Variants in GALNTL6 observed in about 807,000 individuals in gnomAD.
GALNTL6 encodes polypeptide N-acetylgalactosaminyltransferase like 6.
Under a neutral mutation model 73.7 loss-of-function variants are expected in GALNTL6, and 46 were observed. The observed-to-expected ratio is 0.62, with a 90% confidence interval of 0.49 to 0.80. GALNTL6 has a LOEUF of 0.80. Among genes scored for constraint, GALNTL6 ranks in the 30% least tolerant of loss-of-function variants. The pLI, the probability that GALNTL6 is intolerant of heterozygous loss-of-function variation, is 0.00. For synonymous variants in GALNTL6, 259 were observed against 263.7 expected (o/e 0.98, Z 0.17); for missense variants, 604 against 755.0 (o/e 0.80, Z 2.34).
intron 2 of GALNTL6, among the ~76,000 whole-genome samples, chr4:171,852,994 C>T (rs1029729507): frequency 6.6e-6 from 1 of 150,552 alleles, no homozygotes; most frequent in East Asian, 2.0e-4. Flanking sequence ...CTACAGGCGC[C>T]GCCACCACGC....
At chr4:172,653,667 G>A (rs1219235276) in intron 5 of GALNTL6, among the ~76,000 whole-genome samples, 1 of 152,112 alleles carries the variant, frequency 6.6e-6, no homozygotes, top group African/African-American at 2.4e-5. Flanking sequence ...AAGATGTTGT[G>A]CTCTTCTATT....
At chr4:172,135,140 T>A (rs1733603237) in intron 2 of GALNTL6, among the ~76,000 whole-genome samples, 1 of 152,212 alleles carries the variant, frequency 6.6e-6, no homozygotes, top group African/African-American at 2.4e-5. Context: ...ATTGGGGAGC[T>A]TTTATAACAA....
At chr4:172,657,729 T>C (rs901895474) in intron 5 of GALNTL6, among the ~76,000 whole-genome samples, 1 of 152,144 alleles carries the variant, frequency 6.6e-6, no homozygotes, top group African/African-American at 2.4e-5. Flanking sequence ...GGGTGTGGAC[T>C]AGGGTGTGAA....
chr4:172,090,738 C>T (rs1383090243), intron 2 of GALNTL6, among the ~76,000 whole-genome samples: 1 of 152,060 alleles, frequency 6.6e-6, no homozygotes, highest in African/African-American at 2.4e-5. Context: ...GTTGCAGTTG[C>T]TTTTGGTGTT....
chr4:172,425,758 G>A (rs937822906), intron 5 of GALNTL6, among the ~76,000 whole-genome samples: 5 of 151,752 alleles, frequency 3.3e-5, no homozygotes, highest in African/African-American at 1.2e-4. Context: ...TTTTATTTTA[G>A]CAAAATAAAA....
intron 8 of GALNTL6, among the ~76,000 whole-genome samples, chr4:172,910,580 C>A (rs559821719): frequency 6.2e-4 from 94 of 152,140 alleles, no homozygotes; most frequent in Non-Finnish European, 1.2e-3. Context: ...GTAAGAAAAA[C>A]CTTTTAAAAT....
rs138141704 is a variant in GALNTL6 at position 172,480,617 on chromosome 4, C to T, written c.553+131928C>T. ...AGAGCATTAGTTAGCAGCTGCCGTA[C>T]AATAAATCATGCCAAAATCCAGTGG... On this transcript the variant is annotated intron_variant, in intron 5 of 12. Transcript: ENST00000506823. Among the ~76,000 whole-genome samples the T allele has an allele frequency of 4.6e-5, 7 of 152,296 alleles. No individual in the cohort carries two copies. The East Asian group carries it at 1.3e-3, about 29-fold the overall frequency.
chr4:173,004,611 A>T (rs1023909278), intron 10 of GALNTL6, among the ~76,000 whole-genome samples: 3 of 152,182 alleles, frequency 2.0e-5, no homozygotes, highest in African/African-American at 7.2e-5. Context: ...GGGGAACAAG[A>T]GTGAAACTCC....
chr4:172,265,457 C>T (rs776395483), intron 3 of GALNTL6, among the ~76,000 whole-genome samples: 22 of 151,980 alleles, frequency 1.4e-4, no homozygotes, highest in South Asian at 6.2e-4. Flanking sequence ...TGTCAGTCTA[C>T]GACATCAATC....
intron 2 of GALNTL6, among the ~76,000 whole-genome samples, chr4:172,062,027 C>A (rs774791846): frequency 1.1e-4 from 16 of 147,664 alleles, no homozygotes; most frequent in Non-Finnish European, 4.4e-5. Context: ...TGGCTCACTG[C>A]AACTTCTGCC....
intron 5 of GALNTL6, among the ~76,000 whole-genome samples, chr4:172,368,338 G>A (rs979662660): frequency 5.3e-5 from 8 of 152,094 alleles, no homozygotes; most frequent in Non-Finnish European, 8.8e-5. Context: ...CTGAGATCAC[G>A]CCATTGCACT....
rs114199004 is a variant in GALNTL6 at position 172,257,408 on chromosome 4, G to A, written c.247+27644G>A. ...AAGCCTGTACATTTTGAAGAAGGAAGCATGAGCTGCAAGACTTTAGTCGGC... is the reference window on the plus strand; with the variant it reads ...AAGCCTGTACATTTTGAAGAAGGAAACATGAGCTGCAAGACTTTAGTCGGC... On this transcript the variant is annotated intron_variant, in intron 3 of 12. Coordinates refer to ENST00000506823, the MANE Select transcript of GALNTL6 (RefSeq NM_001034845.3). Among the ~76,000 whole-genome samples the A allele has an allele frequency of 4.6e-3, 690 of 151,492 alleles. 7 individuals carry two copies. Among genetic ancestry groups the A allele is most frequent in the African/African-American group, 0.016 (652 of 41,484 alleles).
intron 5 of GALNTL6, among the ~76,000 whole-genome samples, chr4:172,411,905 G>A (rs335983): frequency 0.84 from 128,290 of 152,014 alleles, 54,356 homozygotes; most frequent in South Asian, 0.89. Flanking sequence ...TATTCTGGGG[G>A]GAAAATAGAA....
intron 3 of GALNTL6, among the ~76,000 whole-genome samples, chr4:172,269,305 T>A (rs1329615621): frequency 6.6e-6 from 1 of 151,996 alleles, no homozygotes; most frequent in Non-Finnish European, 1.5e-5. Flanking sequence ...TAGGTAAAAA[T>A]CAAGATATGG....
At chr4:172,000,762 A>G (rs1740650469) in intron 2 of GALNTL6, among the ~76,000 whole-genome samples, 2 of 152,166 alleles carry the variant, frequency 1.3e-5, no homozygotes, top group African/African-American at 2.4e-5. Context: ...AGTGCAGTCA[A>G]TGAGAGATCC....
rs141461021 is a variant in GALNTL6, at chr4:172,870,309, C to A, written c.924-12481C>A. On this transcript the variant is annotated intron_variant, in intron 7 of 12. Transcript: ENST00000506823. ...TTTGAAAGCCTGGCCTTGAGTAATG[C>A]TCCTCCCTCAGTCTCCCAAACCACT... Among the ~76,000 whole-genome samples, 23 of 152,240 alleles carry A rather than the reference C, an allele frequency of 1.5e-4. No homozygotes were observed. The Middle Eastern group carries it at 0.01, about 68-fold the overall frequency.
chr4:172,809,393 G>A lies in GALNTL6; in HGVS notation c.586G>A (p.Ala196Thr), dbSNP rs377525077. 2.5e-6 allele frequency: 4 copies of A among 1,613,616 alleles called. No individual in the cohort carries two copies. In the African/African-American group the frequency reaches 5.3e-5, roughly 22 times the overall value. Residue 196 changes from alanine (A) to threonine (T), a missense_variant, in exon 6 of 13, where the codon GCC (alanine) becomes ACC (threonine). Physicochemically the swap from Ala to Thr is moderately conservative, Grantham distance 58. This residue lies in a region of GALNTL6 where 179 missense variants were observed against 230.8 expected (regional missense o/e 0.78). Coordinates refer to ENST00000506823, the MANE Select transcript of GALNTL6 (RefSeq NM_001034845.3). This position sits in a 1 kb window ranked among gnomAD's most constrained non-coding sequence, Gnocchi z 4.4. ...GAAGGATAAATTGGAAGAATACATG[G>A]CCCGATTTTCCAAAGTGAGGATTGT... ...HLKDKLEEYM[A>T]RFSKVRIVRT...
intron 2 of GALNTL6, among the ~76,000 whole-genome samples, chr4:172,047,700 G>A (rs1301463160): frequency 6.6e-6 from 1 of 152,028 alleles, no homozygotes; most frequent in East Asian, 1.9e-4. Context: ...AGAGTTAAAG[G>A]AAGGAGAAAG....
chr4:171,965,757 T>TA (rs1739367287), intron 2 of GALNTL6, among the ~76,000 whole-genome samples: 1 of 151,978 alleles, frequency 6.6e-6, no homozygotes, highest in Non-Finnish European at 1.5e-5. Flanking sequence ...TTTTTCTATC[T>TA]AAAAAGAAAT....
Sources: gnomAD v4.1 joint callset for allele counts (sites outside exome capture counted in the v4.1 genomes callset) on GRCh38, gnomAD v4.1.1 for gene constraint, gnomAD v4.1.1 regional missense constraint, Gnocchi (gnomAD v3.1) non-coding constraint, MANE v1.5 for transcripts, NCBI Gene and HGNC (gene_info 2026-07-23, HGNC 2026-07-21) for gene names.